The following MAN1A1 variants were observed in gnomAD, a reference collection of about 807,000 sequenced individuals.
MAN1A1 encodes the protein mannosyl-oligosaccharide 1,2-alpha-mannosidase IA.
Under a neutral mutation model 70.8 loss-of-function variants are expected in MAN1A1, and 29 were observed. The observed-to-expected ratio is 0.41, with a 90% CI of 0.31 to 0.56. The LOEUF is 0.56. Among genes scored for constraint, MAN1A1 ranks in the 20% least tolerant of loss-of-function variants. The pLI is 0.29. For missense variants in MAN1A1, 747 were observed against 841.3 expected, an observed-to-expected ratio of 0.89 and a Z score of 1.39; for synonymous variants, 349 against 330.1, an observed-to-expected ratio of 1.06 and a Z score of -0.62.
At chr6:119,275,407 C>T (rs375012871) in intron 5 of MAN1A1, among the ~76,000 whole-genome samples, 10 of 137,208 alleles carry the variant, frequency 7.3e-5, no homozygotes, top group Non-Finnish European at 1.6e-4. Context: ...CCCGGGTTCA[C>T]GCCATTCTCC....
intron 11 of MAN1A1, among the ~76,000 whole-genome samples, chr6:119,181,451 GTT>G (rs35283286): frequency 0.14 from 20,716 of 146,972 alleles, 1,747 homozygotes; most frequent in East Asian, 0.3. Flanking sequence ...TAAAATACAT[GTT>G]TTTTTTTTTT....
chr6:119,315,159 T>C (rs1176129962), intron 2 of MAN1A1, among the ~76,000 whole-genome samples: 2 of 152,200 alleles, frequency 1.3e-5, no homozygotes, highest in East Asian at 1.9e-4. Flanking sequence ...AATATATATA[T>C]ATGGATGGGG....
chr6:119,312,557 T>C (rs773078349), intron 2 of MAN1A1, among the ~76,000 whole-genome samples: 8 of 152,030 alleles, frequency 5.3e-5, no homozygotes, highest in Non-Finnish European at 1.0e-4. Flanking sequence ...TCTAATGCTA[T>C]CCCCACCACC....
At chr6:119,194,683 CA>C (rs1395943911) in intron 8 of MAN1A1, among the ~76,000 whole-genome samples, 1 of 152,068 alleles carries the variant, frequency 6.6e-6, no homozygotes, top group Non-Finnish European at 1.5e-5. Flanking sequence ...ACCTATGGGA[CA>C]GGGGCAGTCA....
chr6:119,303,619 G>A (rs899509642), intron 3 of MAN1A1, among the ~76,000 whole-genome samples: 2 of 152,024 alleles, frequency 1.3e-5, no homozygotes, highest in African/African-American at 2.4e-5. Context: ...TCTAATATGT[G>A]CTTACTAAGA....
chr6:119,197,111 T>A (rs954520041), intron 8 of MAN1A1, among the ~76,000 whole-genome samples: 9 of 151,842 alleles, frequency 5.9e-5, no homozygotes, highest in African/African-American at 1.2e-4. Context: ...GAGTTTGAGA[T>A]CAGCCTGGCC....
At chr6:119,288,787 T>C (rs568987921) in intron 5 of MAN1A1, among the ~76,000 whole-genome samples, 54 of 151,832 alleles carry the variant, frequency 3.6e-4, no homozygotes, top group African/African-American at 1.3e-3. Flanking sequence ...AGAATATGGG[T>C]CCCTATAACT....
chr6:119,214,306 T>C (rs1774136586), intron 6 of MAN1A1, among the ~76,000 whole-genome samples: 1 of 152,094 alleles, frequency 6.6e-6, no homozygotes, highest in African/African-American at 2.4e-5. Context: ...ATGGGGCTAT[T>C]TTTCATGCTC....
At chr6:119,283,255 G>A (rs985097667) in intron 5 of MAN1A1, among the ~76,000 whole-genome samples, 4 of 152,070 alleles carry the variant, frequency 2.6e-5, no homozygotes, top group African/African-American at 7.2e-5. Flanking sequence ...TATTATCCAT[G>A]TACAGATTTT....
rs1772995409 is a variant in MAN1A1, at chr6:119,321,233, T to A, written c.604-14241A>T. Among the ~76,000 whole-genome samples, 5 of 152,360 alleles carry A rather than the reference T, an allele frequency of 3.3e-5. No homozygotes were observed. In the South Asian group the frequency reaches 1.0e-3, roughly 32 times the overall value. On this transcript the variant is annotated intron_variant, in intron 2 of 12. Transcript: ENST00000368468. ...TCCATATAAACTGACTCTCTCACAC[T>A]GTTTTCTTTTCAATGTTTGAACAAT...
chr6:119,220,788 T>C (rs1388735938), intron 6 of MAN1A1, among the ~76,000 whole-genome samples: 8 of 152,138 alleles, frequency 5.3e-5, no homozygotes, highest in Non-Finnish European at 1.2e-4. Context: ...TACTTCTATA[T>C]AGGTTAGCAG....
At chr6:119,304,319 G>A (rs1772473827) in intron 3 of MAN1A1, among the ~76,000 whole-genome samples, 1 of 152,184 alleles carries the variant, frequency 6.6e-6, no homozygotes, top group Non-Finnish European at 1.5e-5. Flanking sequence ...TGGATTCAGA[G>A]AGACACTGGA....
intron 6 of MAN1A1, among the ~76,000 whole-genome samples, chr6:119,239,838 G>C (rs952269573): frequency 6.6e-6 from 1 of 152,084 alleles, no homozygotes; most frequent in Non-Finnish European, 1.5e-5. Context: ...ATGAATTTAC[G>C]CATTCTGACT....
At chr6:119,271,151 G>C (rs998656653) in intron 5 of MAN1A1, among the ~76,000 whole-genome samples, 18 of 152,120 alleles carry the variant, frequency 1.2e-4, no homozygotes, top group Non-Finnish European at 2.1e-4. Flanking sequence ...ATTGTGTTTA[G>C]ATACAAAAAT....
chr6:119,273,678 T>C (rs904577354), intron 5 of MAN1A1, among the ~76,000 whole-genome samples: 3 of 151,984 alleles, frequency 2.0e-5, no homozygotes, highest in African/African-American at 7.2e-5. Context: ...ACAGCACTTG[T>C]TTTTTTTCTT....
At chr6:119,230,434 G>T (rs1261200824) in intron 6 of MAN1A1, among the ~76,000 whole-genome samples, 2 of 152,144 alleles carry the variant, frequency 1.3e-5, no homozygotes, top group Non-Finnish European at 2.9e-5. Flanking sequence ...GCCCCAGGGG[G>T]CTTTGCCATC....
At chr6:119,180,601 C>T (rs1433120074) in intron 11 of MAN1A1, among the ~76,000 whole-genome samples, 174 bp from the exon 12 acceptor site, 1 of 152,028 alleles carries the variant, frequency 6.6e-6, no homozygotes, top group Non-Finnish European at 1.5e-5. Flanking sequence ...CAGCTTCTAC[C>T]TCTTGGGCTC....
At chr6:119,284,329 T>C (rs1029581625) in intron 5 of MAN1A1, among the ~76,000 whole-genome samples, 5 of 152,094 alleles carry the variant, frequency 3.3e-5, no homozygotes, top group Admixed American at 1.3e-4. Context: ...GTGAGGACAC[T>C]ATATAAAAAC....
At chr6:119,289,477 T>C (rs1214077136) in intron 5 of MAN1A1, among the ~76,000 whole-genome samples, 1 of 145,044 alleles carries the variant, frequency 6.9e-6, no homozygotes, top group Non-Finnish European at 1.5e-5. Flanking sequence ...GCTTAATCCT[T>C]AGTATACCCT....
Sources: gnomAD v4.1 joint callset for allele counts (sites outside exome capture counted in the v4.1 genomes callset) on GRCh38, gnomAD v4.1.1 for gene constraint, MANE v1.5 for transcripts, NCBI Gene and HGNC (gene_info 2026-07-23, HGNC 2026-07-21) for gene names.